RBFOX1: variants seen among roughly 807,000 people sequenced by gnomAD.
RBFOX1 encodes RNA binding protein fox-1 homolog 1.
In RBFOX1, 8 loss-of-function variants were observed where a neutral mutation model predicts 57.7. The ratio of observed to expected loss-of-function variants is 0.14; its 90% CI spans 0.08 to 0.25. The LOEUF is 0.25. Ranked by LOEUF, RBFOX1 falls within the 10% of genes least tolerant of loss-of-function variation. The probability of loss-of-function intolerance (pLI) is 1.00; values close to 1 mark genes in which losing one functional copy is unlikely to be tolerated. For synonymous variants in RBFOX1, 326 were observed against 222.4 expected (o/e 1.47, Z -4.15); for missense variants, 611 against 548.5 (o/e 1.11, Z -1.14).
At chr16:6,529,024 C>T (rs2096620065) in intron 2 of RBFOX1, among the ~76,000 whole-genome samples, 1 of 152,156 alleles carries the variant, frequency 6.6e-6, no homozygotes, top group South Asian at 2.1e-4. Flanking sequence ...AAGAGAAACG[C>T]ATTTTACTCA....
At position 5,847,354 on chromosome 16, in the gene RBFOX1, G is replaced by GA. The variant is rs376046497; in HGVS notation, c.319-19939dup. 1.0e-3 allele frequency among the ~76,000 whole-genome samples: 131 copies of GA among 130,530 alleles called. 1 individual carries two copies. Among genetic ancestry groups the GA allele is most frequent in the African/African-American group, 2.9e-3 (102 of 35,722 alleles). 85.6% of individuals were successfully genotyped at this position (130,530 alleles called of 152,430 possible). A position where few individuals can be genotyped will look rare whatever the true frequency, so the allele number is the denominator to read the frequency against. ...CTTCTTAGCCTCAGTTTCCTTATCT[G>GA]AAAAAAAAAATGGGGGTGGGGGGGG... On this transcript the variant is annotated intron_variant, in intron 3 of 19. Transcript: ENST00000641259.
chr16:5,794,263 T>G (rs2054800434), intron 3 of RBFOX1, among the ~76,000 whole-genome samples: 1 of 152,144 alleles, frequency 6.6e-6, no homozygotes, highest in Non-Finnish European at 1.5e-5. Flanking sequence ...TTTTTCCTTC[T>G]CTTCCTCCTC....
chr16:5,693,380 A>G (rs1404604735), intron 3 of RBFOX1, among the ~76,000 whole-genome samples: 1 of 148,348 alleles, frequency 6.7e-6, no homozygotes, highest in Non-Finnish European at 1.5e-5. Context: ...AAAAAAAACA[A>G]AAACAAAATA....
chr16:5,326,944 G>A (rs998792937), intron 1 of RBFOX1, among the ~76,000 whole-genome samples: 2 of 152,178 alleles, frequency 1.3e-5, no homozygotes, highest in African/African-American at 2.4e-5. Flanking sequence ...CCTAGGAACT[G>A]AGGGTAAACA....
intron 7 of RBFOX1, among the ~76,000 whole-genome samples, chr16:7,591,933 C>T (rs555403332): frequency 1.3e-5 from 2 of 152,220 alleles, no homozygotes; most frequent in South Asian, 4.1e-4. Context: ...ACCTGTGCAT[C>T]GTGGCAAAGG....
chr16:7,544,151 A>G (rs1208612715), intron 5 of RBFOX1, among the ~76,000 whole-genome samples: 1 of 152,198 alleles, frequency 6.6e-6, no homozygotes, highest in Non-Finnish European at 1.5e-5. Context: ...GCTTACTCCT[A>G]AAGACTGGGC....
At chr16:6,465,407 AC>A (rs1355181819) in intron 2 of RBFOX1, among the ~76,000 whole-genome samples, 1 of 152,116 alleles carries the variant, frequency 6.6e-6, no homozygotes, top group East Asian at 1.9e-4. Flanking sequence ...ATTTGATACT[AC>A]CCTTTAGTGG....
At position 7,201,799 on chromosome 16, in the gene RBFOX1, T is replaced by C. The variant is rs145275252; in HGVS notation, c.27+149701T>C. Among the ~76,000 whole-genome samples, 49 of 152,198 alleles carry C rather than the reference T, an allele frequency of 3.2e-4. No homozygotes were observed. The East Asian group carries it at 8.1e-3, about 25-fold the overall frequency. ...TATTTACAAAGCTTACCCAGGCTGGTAGAGAATGGGCACGGCAAGCGTGAA... is the reference window on the plus strand; with the variant it reads ...TATTTACAAAGCTTACCCAGGCTGGCAGAGAATGGGCACGGCAAGCGTGAA... On this transcript the variant is annotated intron_variant, in intron 4 of 15. Coordinates refer to ENST00000550418, the MANE Select transcript of RBFOX1 (RefSeq NM_018723.4).
At chr16:6,051,637 C>T (rs2095552834) in intron 1 of RBFOX1, among the ~76,000 whole-genome samples, 1 of 152,144 alleles carries the variant, frequency 6.6e-6, no homozygotes, top group Non-Finnish European at 1.5e-5. Flanking sequence ...AATCTTGGCT[C>T]ATGGCAACCT....
chr16:5,960,655 G>C (rs1034005839), intron 4 of RBFOX1, among the ~76,000 whole-genome samples: 3 of 152,188 alleles, frequency 2.0e-5, no homozygotes, highest in South Asian at 4.2e-4. Flanking sequence ...GAAGTGTTTG[G>C]GGAGTTAAGA....
chr16:5,895,831 A>G (rs574253801), intron 4 of RBFOX1, among the ~76,000 whole-genome samples: 1 of 152,312 alleles, frequency 6.6e-6, no homozygotes, highest in Non-Finnish European at 1.5e-5. Flanking sequence ...TTGTATTATA[A>G]ACGGAAAGCG....
chr16:5,680,374 G>T (rs146344874), intron 3 of RBFOX1, among the ~76,000 whole-genome samples: 1 of 152,182 alleles, frequency 6.6e-6, no homozygotes, highest in Non-Finnish European at 1.5e-5. Context: ...TTTAATTTCA[G>T]ATCTCTCTTT....
At chr16:5,331,164 G>C (rs1292701265) in intron 1 of RBFOX1, among the ~76,000 whole-genome samples, 1 of 152,166 alleles carries the variant, frequency 6.6e-6, no homozygotes, top group East Asian at 1.9e-4. Context: ...GACTCCTCCG[G>C]ATAGGGTAAG....
chr16:6,279,645 G>C (rs1487497791), intron 1 of RBFOX1, among the ~76,000 whole-genome samples: 1 of 152,178 alleles, frequency 6.6e-6, no homozygotes, highest in Non-Finnish European at 1.5e-5. Context: ...TTAGGGAGAA[G>C]AGAAACATAA....
At chr16:6,859,843 CTT>C (rs1473853979) in intron 3 of RBFOX1, among the ~76,000 whole-genome samples, 1 of 152,106 alleles carries the variant, frequency 6.6e-6, no homozygotes, top group Non-Finnish European at 1.5e-5. Context: ...TAGAATCACA[CTT>C]TTGAGTATTC....
chr16:7,059,091 T>C (rs997409809), intron 4 of RBFOX1, among the ~76,000 whole-genome samples: 4 of 152,234 alleles, frequency 2.6e-5, no homozygotes, highest in Admixed American at 1.3e-4. Context: ...AAATTGCTAA[T>C]GATCTTCTTG....
Position 5,436,770 on chromosome 16 carries a change from G to A in RBFOX1, c.220-30446G>A, listed in dbSNP as rs11641953. 7.9e-3 allele frequency among the ~76,000 whole-genome samples: 1,199 copies of A among 152,188 alleles called. 4 individuals are homozygous for A. Among genetic ancestry groups the A allele is most frequent in the Middle Eastern group, 0.014 (4 of 294 alleles). ...CGAGAATCACTTGAACCCAGGAAGC[G>A]GAGGTTGCAGCGAGCTGAGATTGTG... On this transcript the variant is annotated intron_variant, in intron 1 of 2. Coordinates refer to the RBFOX1 transcript ENST00000585867.
At chr16:6,550,268 C>T (rs1050043028) in intron 2 of RBFOX1, among the ~76,000 whole-genome samples, 1 of 152,212 alleles carries the variant, frequency 6.6e-6, no homozygotes, top group African/African-American at 2.4e-5. Context: ...ACCTCCGCCT[C>T]CCAGGTTCAA....
intron 3 of RBFOX1, among the ~76,000 whole-genome samples, chr16:5,780,652 T>A (rs2151703300): frequency 6.6e-6 from 1 of 152,298 alleles, no homozygotes; most frequent in Non-Finnish European, 1.5e-5. Flanking sequence ...GTAGGCTGCC[T>A]CCTCTCCTGC....
Sources: gnomAD v4.1 joint callset for allele counts (sites outside exome capture counted in the v4.1 genomes callset) on GRCh38, gnomAD v4.1.1 for gene constraint, MANE v1.5 for transcripts, NCBI Gene and HGNC (gene_info 2026-07-23, HGNC 2026-07-21) for gene names.